SLMAP: variants seen among roughly 807,000 people sequenced by gnomAD.
SLMAP encodes sarcolemma associated protein, also known as sarcolemmal membrane-associated protein.
A neutral mutation model predicts 128.8 loss-of-function variants in SLMAP; 44 were observed. The observed-to-expected ratio is 0.34, with a 90% CI of 0.27 to 0.44. The LOEUF is 0.44. SLMAP is among the 20% of genes least tolerant of loss of function. SLMAP has a pLI of 1.00. For missense variants in SLMAP, 787 were observed against 985.3 expected, an observed-to-expected ratio of 0.80 and a Z score of 2.69; for synonymous variants, 327 against 348.8, an observed-to-expected ratio of 0.94 and a Z score of 0.70.
intron 2 of SLMAP, among the ~76,000 whole-genome samples, chr3:57,784,250 C>G (rs1576436326): frequency 6.6e-6 from 1 of 152,252 alleles, no homozygotes; most frequent in East Asian, 1.9e-4. Context: ...GCATAAGACT[C>G]CAACCTGTGA....
At chr3:57,792,747 A>T (rs1487402227) in intron 2 of SLMAP, among the ~76,000 whole-genome samples, 1 of 152,174 alleles carries the variant, frequency 6.6e-6, no homozygotes, top group Non-Finnish European at 1.5e-5. Flanking sequence ...AATATGTTAA[A>T]CATTTGACAA....
At chr3:57,865,160 G>A (rs977893764) in intron 12 of SLMAP, 82 bp from the exon 13 acceptor site, 24 of 719,446 alleles carry the variant, frequency 3.3e-5, no homozygotes, top group Non-Finnish European at 5.0e-5. Flanking sequence ...TCTTAGGAAT[G>A]CAGAATGCCA....
intron 5 of SLMAP, among the ~76,000 whole-genome samples, chr3:57,848,914 G>A (rs1221089670): frequency 6.6e-6 from 1 of 151,774 alleles, no homozygotes; most frequent in Non-Finnish European, 1.5e-5. Flanking sequence ...TCTCCATGTC[G>A]GTCAGGCTGG....
At chr3:57,880,867 G>A (rs1002818138) in intron 14 of SLMAP, among the ~76,000 whole-genome samples, 12 of 152,100 alleles carry the variant, frequency 7.9e-5, no homozygotes, top group South Asian at 2.1e-4. Context: ...TCTGGGTGAC[G>A]GAGTGAGACC....
intron 21 of SLMAP, among the ~76,000 whole-genome samples, chr3:57,915,930 G>A (rs2096800321): frequency 6.6e-6 from 1 of 152,078 alleles, no homozygotes; most frequent in African/African-American, 2.4e-5. Context: ...GCCGAAGCAG[G>A]CAGATCACCT....
chr3:57,894,547 C>G (rs1290058991), intron 15 of SLMAP, among the ~76,000 whole-genome samples: 1 of 152,118 alleles, frequency 6.6e-6, no homozygotes, highest in Non-Finnish European at 1.5e-5. Context: ...AAAATATATG[C>G]TTTATAAATT....
At chr3:57,834,198 G>T (rs903932261) in intron 3 of SLMAP, among the ~76,000 whole-genome samples, 2 of 152,020 alleles carry the variant, frequency 1.3e-5, no homozygotes, top group South Asian at 2.1e-4. Flanking sequence ...CTAATCAGAA[G>T]AAATTAGAAA....
chr3:57,846,934 T>C (rs1363148413), intron 4 of SLMAP, among the ~76,000 whole-genome samples: 2 of 152,310 alleles, frequency 1.3e-5, no homozygotes, highest in Admixed American at 6.5e-5. Context: ...CCTCAAAAAG[T>C]AGTGGCTCCT....
chr3:57,891,606 C>T (rs962911107), intron 15 of SLMAP, among the ~76,000 whole-genome samples: 26 of 148,622 alleles, frequency 1.7e-4, no homozygotes, highest in Non-Finnish European at 3.4e-4. Context: ...GACGGAGTTT[C>T]GCTCATGTTG....
At chr3:57,897,095 AC>A in intron 17 of SLMAP, 163 bp downstream of exon 17, 2 of 1,382,402 alleles carry the variant, frequency 1.4e-6, no homozygotes, top group Non-Finnish European at 1.9e-6. Context: ...TGGTGTTTAT[AC>A]CCAATATTTC....
chr3:57,913,071 TCTC>T, intron 20 of SLMAP, 84 bp from the exon 21 acceptor site: 1 of 676,690 alleles, frequency 1.5e-6, no homozygotes, highest in African/African-American at 1.8e-5. Context: ...AAAAGTATGT[TCTC>T]CTCTGAAATC....
intron 13 of SLMAP, among the ~76,000 whole-genome samples, chr3:57,870,875 A>T (rs936016223): frequency 1.3e-5 from 2 of 152,252 alleles, no homozygotes; most frequent in Non-Finnish European, 2.9e-5. Context: ...AAAGGACATT[A>T]TCCAGATTCA....
intron 2 of SLMAP, among the ~76,000 whole-genome samples, chr3:57,782,713 T>C (rs2083315793): frequency 6.6e-6 from 1 of 152,212 alleles, no homozygotes; most frequent in Admixed American, 6.5e-5. Flanking sequence ...GCTCAAGCAG[T>C]CTGTCCACCT....
At chr3:57,785,211 G>A (rs910554768) in intron 2 of SLMAP, among the ~76,000 whole-genome samples, 1 of 152,172 alleles carries the variant, frequency 6.6e-6, no homozygotes, top group African/African-American at 2.4e-5. Context: ...ACTCAAATAT[G>A]TTGTAATAGG....
In SLMAP at chr3:57,849,794, T is replaced by C; in HGVS notation, c.497T>C (p.Phe166Ser). Reference sequence around the variant, plus strand: ...CCAAGTATGTACTCTCAGGAACTATTCCAGCTTTCTCAGTATCTACAGGTA... The same window carrying C: ...CCAAGTATGTACTCTCAGGAACTATCCCAGCTTTCTCAGTATCTACAGGTA... ...NTPSMYSQEL[F>S]QLSQYLQEAL... Residue 166 changes from phenylalanine (F) to serine (S), a missense_variant, in exon 6 of 25, where the codon TTC becomes TCC. By Grantham distance (155) the Phe-to-Ser change is radical. Coordinates refer to ENST00000671191, the MANE Select transcript of SLMAP (RefSeq NM_001377540.1). 6.4e-7 allele frequency: 1 copy of C among 1,567,716 alleles called. No homozygotes were observed. The highest frequency in any genetic ancestry group is 8.8e-7 in the Non-Finnish European group (1 of 1,137,750).
At chr3:57,843,551 C>A (rs1294808634) in intron 4 of SLMAP, among the ~76,000 whole-genome samples, 4 of 151,334 alleles carry the variant, frequency 2.6e-5, no homozygotes, top group Admixed American at 2.6e-4. Flanking sequence ...GGCAGTCCAC[C>A]CACCTTGGTC....
At chr3:57,786,650 A>G (rs1273693604) in intron 2 of SLMAP, among the ~76,000 whole-genome samples, 2 of 147,028 alleles carry the variant, frequency 1.4e-5, no homozygotes, top group East Asian at 2.0e-4. Flanking sequence ...TCCGCCTCCC[A>G]GGTTCAAACG....
rs748189634 is a variant in SLMAP at position 57,890,120 on chromosome 3, A to G, written c.1360+20A>G. ...CAAAAGGTTTGTTTTCTGTTTTTCT[A>G]TGTTTTTTGACAGTTCTTTTGGATA... On this transcript the variant is annotated intron_variant, in intron 15 of 24. Transcript: ENST00000671191. The G allele has an allele frequency of 3.1e-6, 5 of 1,611,740 alleles. No homozygotes were observed. Among genetic ancestry groups the G allele is most frequent in the East Asian group, 2.2e-5 (1 of 44,848 alleles).
chr3:57,848,920 G>A (rs2153577483), intron 5 of SLMAP, among the ~76,000 whole-genome samples: 1 of 151,920 alleles, frequency 6.6e-6, no homozygotes, highest in South Asian at 2.1e-4. Flanking sequence ...TGTCGGTCAG[G>A]CTGGTCTTGA....
Sources: allele counts gnomAD v4.1 joint callset (sites outside exome capture counted in the v4.1 genomes callset), GRCh38; gene constraint gnomAD v4.1.1; transcripts MANE v1.5; gene names NCBI Gene and HGNC (gene_info 2026-07-23, HGNC 2026-07-21).